The following PRELP variants were observed in gnomAD, a reference collection of about 807,000 sequenced individuals.
The protein encoded by PRELP is prolargin.
In PRELP, 16 loss-of-function variants were observed where a neutral mutation model predicts 22.8. The observed-to-expected ratio is 0.70, with a 90% CI of 0.47 to 1.06. The LOEUF (loss-of-function observed/expected upper bound fraction) is 1.06. Ranked by LOEUF, PRELP falls within the 50% of genes least tolerant of loss-of-function variation. The pLI is 0.00. For missense variants in PRELP, 434 were observed against 485.2 expected (o/e 0.89, Z 0.99); for synonymous variants, 233 against 211.4 (o/e 1.10, Z -0.89).
rs747594584 is a variant in PRELP, at chr1:203,483,355, C to T, written c.171C>T (p.Asp57=). ...PQPDEPAEPT[D]LPPPLPPGPP... ...CTGATGAACCAGCAGAGCCAACAGACCTGCCTCCTCCCCTCCCTCCAGGCC... is the reference window on the plus strand; with the variant it reads ...CTGATGAACCAGCAGAGCCAACAGATCTGCCTCCTCCCCTCCCTCCAGGCC... Residue 57 remains aspartate (D), a synonymous_variant, in exon 2 of 3, where the codon GAC becomes GAT. Coordinates refer to ENST00000343110, the MANE Select transcript of PRELP (RefSeq NM_002725.4). The surrounding 1 kb of genome is among the most constrained non-coding windows in gnomAD (Gnocchi z 4.4). 20 of 1,614,116 alleles carry T rather than the reference C, an allele frequency of 1.2e-5. No homozygotes were observed. The highest frequency in any genetic ancestry group is 1.7e-5 in the Non-Finnish European group (20 of 1,180,028).
rs1262928759 is a variant in PRELP, at chr1:203,483,792, A to G, written c.608A>G (p.Gln203Arg). 3 of 1,614,072 alleles carry G rather than the reference A, an allele frequency of 1.9e-6. No individual in the cohort carries two copies. Among genetic ancestry groups the G allele is most frequent in the South Asian group, 1.1e-5 (1 of 91,086 alleles). ...KLENLLLLDL[Q>R]HNRLSDGVFK... Reference sequence around the variant, plus strand: ...GAGAACCTGCTGCTCCTGGATCTCCAGCACAACAGGCTGAGCGACGGCGTC... The same window carrying G: ...GAGAACCTGCTGCTCCTGGATCTCCGGCACAACAGGCTGAGCGACGGCGTC... Residue 203 changes from glutamine to arginine, a missense_variant, in exon 2 of 3, where the codon CAG becomes CGG. Transcript: ENST00000343110. This position sits in a 1 kb window ranked among gnomAD's most constrained non-coding sequence, Gnocchi z 4.4.
chr1:203,484,787 AGTGACATTTACAGG>A (rs1371228855), intron 2 of PRELP, among the ~76,000 whole-genome samples: 41 of 152,336 alleles, frequency 2.7e-4, no homozygotes, highest in African/African-American at 8.2e-4. Flanking sequence ...AGTTTGCCTA[AGTGACATTTACAGG>A]GTTCTGGACT....
chr1:203,480,761 GGAACCT>G lies in PRELP; in HGVS notation c.-16-2407_-16-2402del, dbSNP rs146550801. On this transcript the variant is annotated intron_variant, in intron 1 of 2. Coordinates refer to ENST00000343110, the MANE Select transcript of PRELP (RefSeq NM_002725.4). ...ACTTGCTCCTGGGAGCATTTCCTGGGGAACCTCCTGTTGGCTCTGGGAGCAGCTTGG... is the reference window on the plus strand; with the variant it reads ...ACTTGCTCCTGGGAGCATTTCCTGGGCCTGTTGGCTCTGGGAGCAGCTTGG... Among the ~76,000 whole-genome samples the G allele has an allele frequency of 9.1e-3, 1,380 of 152,352 alleles. 26 individuals are homozygous for G. The highest frequency in any genetic ancestry group is 0.031 in the African/African-American group (1,280 of 41,586).
chr1:203,480,487 A>G (rs734591), intron 1 of PRELP, among the ~76,000 whole-genome samples: 41,305 of 152,152 alleles, frequency 0.27, 6,641 homozygotes, highest in East Asian at 0.46. Flanking sequence ...TCTGTCACAC[A>G]GATTCTGGTT....
intron 2 of PRELP, among the ~76,000 whole-genome samples, chr1:203,485,513 T>A (rs1473655706): frequency 2.0e-5 from 3 of 152,200 alleles, no homozygotes. Context: ...CCACTGGTAC[T>A]GTCTTTAAAC....
chr1:203,476,068 T>G (rs1238967391), intron 1 of PRELP, 130 bp downstream of exon 1: 1 of 152,648 alleles, frequency 6.6e-6, no homozygotes. Flanking sequence ...CTCTTTCTCC[T>G]CTCAAATGAG....
At position 203,487,746 on chromosome 1, in the gene PRELP, G is replaced by A. The variant is rs562005572; in HGVS notation, c.*865G>A. On this transcript the variant is annotated 3_prime_UTR_variant, in exon 3 of 3. Transcript: ENST00000343110. ...GGAGGGTTCACAGTGTTTTTGTGGGGGCGGGGGAAGGAAGAGGCAGCCCCG... is the reference window on the plus strand; with the variant it reads ...GGAGGGTTCACAGTGTTTTTGTGGGAGCGGGGGAAGGAAGAGGCAGCCCCG... The A allele has an allele frequency of 3.5e-4, 45 of 126,864 alleles. No homozygotes were observed. The highest frequency in any genetic ancestry group is 1.4e-3 in the African/African-American group (42 of 30,636). The allele number at this position is 126,864 out of a possible 1,614,324, so 7.9% of individuals were successfully genotyped here.
At chr1:203,481,024 C>CCCGCT (rs1030905479) in intron 1 of PRELP, among the ~76,000 whole-genome samples, 4 of 152,078 alleles carry the variant, frequency 2.6e-5, no homozygotes, top group Admixed American at 6.6e-5. Context: ...CCCGCCCCGC[C>CCCGCT]CAGCACAGGT....
chr1:203,480,075 A>G (rs943723521), intron 1 of PRELP, among the ~76,000 whole-genome samples: 2 of 152,176 alleles, frequency 1.3e-5, no homozygotes, highest in African/African-American at 4.8e-5. Flanking sequence ...CCCCCATCTC[A>G]TTTTTGTTTA....
chr1:203,484,394 G>A (rs1661060831), intron 2 of PRELP, among the ~76,000 whole-genome samples: 1 of 152,242 alleles, frequency 6.6e-6, no homozygotes, highest in South Asian at 2.1e-4. Context: ...TATCACAAAG[G>A]TGATATGAGG....
chr1:203,485,185 AG>A (rs1661073142), intron 2 of PRELP, among the ~76,000 whole-genome samples: 1 of 151,982 alleles, frequency 6.6e-6, no homozygotes, highest in Admixed American at 6.6e-5. Flanking sequence ...AAATGGGAAA[AG>A]GGGAAGACTG....
chr1:203,485,939 A>C (rs772438566), intron 2 of PRELP, among the ~76,000 whole-genome samples: 1 of 152,172 alleles, frequency 6.6e-6, no homozygotes, highest in Non-Finnish European at 1.5e-5. Context: ...AGCTCTCCCC[A>C]GATCCTCTTT....
chr1:203,478,240 G>C (rs1660944705), intron 1 of PRELP, among the ~76,000 whole-genome samples: 2 of 152,176 alleles, frequency 1.3e-5, no homozygotes, highest in African/African-American at 4.8e-5. Flanking sequence ...AGAACTGCAG[G>C]ATTGGGTCTC....
Position 203,483,800 on chromosome 1 carries a change from A to T in PRELP, c.616A>T (p.Arg206Trp). The T allele has an allele frequency of 6.2e-7, 1 of 1,614,144 alleles. No homozygotes were observed. The highest frequency in any genetic ancestry group is 8.5e-7 in the Non-Finnish European group (1 of 1,180,012). Reference protein sequence around the residue: ...NLLLLDLQHNRLSDGVFKPDT... With the variant: ...NLLLLDLQHNWLSDGVFKPDT... ...GCTGCTCCTGGATCTCCAGCACAAC[A>T]GGCTGAGCGACGGCGTCTTCAAGCC... is the stretch of plus-strand genomic sequence containing the variant. Residue 206 changes from arginine to tryptophan, a missense_variant, in exon 2 of 3, where the codon AGG (arginine) becomes TGG (tryptophan). Coordinates refer to ENST00000343110, the MANE Select transcript of PRELP (RefSeq NM_002725.4). This position sits in a 1 kb window ranked among gnomAD's most constrained non-coding sequence, Gnocchi z 4.4.
At chr1:203,484,339 G>A (rs1661060053) in intron 2 of PRELP, among the ~76,000 whole-genome samples, 182 bp downstream of exon 2, 1 of 152,240 alleles carries the variant, frequency 6.6e-6, no homozygotes, top group African/African-American at 2.4e-5. Context: ...TGACCAGTCT[G>A]GGAAGTTTCC....
intron 1 of PRELP, among the ~76,000 whole-genome samples, chr1:203,479,706 C>CAAAAAAAA (rs397844598): frequency 7.6e-5 from 4 of 52,492 alleles, no homozygotes; most frequent in East Asian, 5.7e-4. Context: ...CCTGTATCAC[C>CAAAAAAAA]AAAAAAAAAA....
Position 203,483,105 on chromosome 1 carries a change from A to G in PRELP, c.-16-64A>G. 7.3e-7 allele frequency: 1 copy of G among 1,375,516 alleles called. No homozygotes were observed. The allele number at this position is 1,375,516 out of a possible 1,614,324, so 85.2% of individuals were successfully genotyped here. On this transcript the variant is annotated intron_variant, in intron 1 of 2. Coordinates refer to ENST00000343110, the MANE Select transcript of PRELP (RefSeq NM_002725.4). The surrounding 1 kb of genome is among the most constrained non-coding windows in gnomAD (Gnocchi z 4.4). ...TCTAGTTCTGCCCAACTCTGGCTTC[A>G]AAAACATGACAACTAGTTACTGAGG...
chr1:203,476,847 T>A (rs979136689), intron 1 of PRELP, among the ~76,000 whole-genome samples: 1 of 152,134 alleles, frequency 6.6e-6, no homozygotes, highest in Non-Finnish European at 1.5e-5. Context: ...TTTATTTTTT[T>A]TTCCTGCAGG....
At position 203,483,344 on chromosome 1, in the gene PRELP, G is replaced by A; in HGVS notation, c.160G>A (p.Glu54Lys). ...CTTTCCTCAGCCTGATGAACCAGCA[G>A]AGCCAACAGACCTGCCTCCTCCCCT... The part of the protein sequence containing the change: ...PSFPQPDEPA[E>K]PTDLPPPLPP... Residue 54 changes from glutamate to lysine, a missense_variant, in exon 2 of 3, where the codon GAG (glutamate) becomes AAG (lysine). Physicochemically the swap from Glu to Lys is moderately conservative, Grantham distance 56. Coordinates refer to ENST00000343110, the MANE Select transcript of PRELP (RefSeq NM_002725.4). This position sits in a 1 kb window ranked among gnomAD's most constrained non-coding sequence, Gnocchi z 4.4. The A allele has an allele frequency of 6.2e-7, 1 of 1,614,090 alleles. No individual in the cohort carries two copies. The highest frequency in any genetic ancestry group is 1.1e-5 in the South Asian group (1 of 91,074).
Sources: gnomAD v4.1 joint callset for allele counts (sites outside exome capture counted in the v4.1 genomes callset) on GRCh38, gnomAD v4.1.1 for gene constraint, Gnocchi (gnomAD v3.1) non-coding constraint, MANE v1.5 for transcripts, NCBI Gene and HGNC (gene_info 2026-07-23, HGNC 2026-07-21) for gene names.